Variants in NEGR1 observed in about 807,000 individuals in gnomAD.
NEGR1 encodes the protein IgLON family member 4.
In NEGR1, 10 loss-of-function variants were observed where a neutral mutation model predicts 40.9. The ratio of observed to expected loss-of-function variants is 0.24; its 90% CI spans 0.15 to 0.42. The LOEUF is 0.42. NEGR1 is among the 10% of genes least tolerant of loss of function. NEGR1 has a pLI of 1.00. For missense variants in NEGR1, 352 were observed against 438.9 expected, an observed-to-expected ratio of 0.80 and a Z score of 1.77; for synonymous variants, 185 against 166.8, an observed-to-expected ratio of 1.11 and a Z score of -0.84.
chr1:71,862,485 A>G (rs1659979460), intron 2 of NEGR1, among the ~76,000 whole-genome samples: 1 of 152,012 alleles, frequency 6.6e-6, no homozygotes, highest in African/African-American at 2.4e-5. Context: ...AAAACATCAC[A>G]ATTGCTTCCT....
intron 1 of NEGR1, among the ~76,000 whole-genome samples, chr1:72,143,886 A>ATAT (rs1172991014): frequency 2.5e-5 from 2 of 79,906 alleles, no homozygotes; most frequent in African/African-American, 7.9e-5. Flanking sequence ...ATATATTCAT[A>ATAT]TATATATATT....
chr1:71,508,062 A>C (rs995825241), intron 6 of NEGR1, among the ~76,000 whole-genome samples: 3 of 152,170 alleles, frequency 2.0e-5, no homozygotes, highest in African/African-American at 7.2e-5. Context: ...AATCAATTTT[A>C]AGAAATTATA....
chr1:72,122,380 A>G (rs1000327031), intron 1 of NEGR1, among the ~76,000 whole-genome samples: 1 of 151,964 alleles, frequency 6.6e-6, no homozygotes, highest in African/African-American at 2.4e-5. Flanking sequence ...TTGCAAGAAC[A>G]TGTACAAATA....
intron 1 of NEGR1, among the ~76,000 whole-genome samples, chr1:72,231,614 AT>A (rs919160778): frequency 6.6e-6 from 1 of 152,104 alleles, no homozygotes; most frequent in Admixed American, 6.6e-5. Context: ...ATTTATCATT[AT>A]TTTTCCCCAA....
At chr1:71,421,156 T>C (rs1195450240) in intron 6 of NEGR1, among the ~76,000 whole-genome samples, 1 of 152,060 alleles carries the variant, frequency 6.6e-6, no homozygotes, top group Non-Finnish European at 1.5e-5. Flanking sequence ...GAATAATCAT[T>C]ATATTAGAAA....
At chr1:72,079,265 T>C (rs1211551094) in intron 1 of NEGR1, among the ~76,000 whole-genome samples, 5 of 152,040 alleles carry the variant, frequency 3.3e-5, no homozygotes, top group Middle Eastern at 3.4e-3. Context: ...GAGTGACATA[T>C]AGTTGCTTAA....
chr1:72,143,515 G>C (rs1361774223), intron 1 of NEGR1, among the ~76,000 whole-genome samples: 1 of 151,756 alleles, frequency 6.6e-6, no homozygotes, highest in Non-Finnish European at 1.5e-5. Context: ...AACATTAAAA[G>C]ACTCTGAACT....
intron 1 of NEGR1, among the ~76,000 whole-genome samples, chr1:72,271,728 ATCCCAGAATTCCCACGTGTTG>A (rs879304758): frequency 3.9e-5 from 6 of 151,912 alleles, no homozygotes; most frequent in Non-Finnish European, 5.9e-5. Flanking sequence ...GGAGTTGTAT[ATCCCAGAATTCCCACGTGTTG>A]TCCCAGAATT....
At position 71,407,462 on chromosome 1, in the gene NEGR1, T is replaced by G. The variant is rs748454918; in HGVS notation, c.1049A>C (p.Asn350Thr). The stretch of plus-strand genomic sequence containing the variant: ...TCTTTGAATTTATTGTAGAATGGCA[T>G]TCTTCAGGTAGAATATGCTGGTGAA... ...SSFTSIFYLK[N>T]AILQ The change falls in exon 7 of 7, where the codon AAT becomes ACT. Residue 350 changes from asparagine (N) to threonine (T), a missense_variant. Transcript: ENST00000357731. 6 of 1,612,124 alleles carry G rather than the reference T, an allele frequency of 3.7e-6. No individual in the cohort carries two copies. The East Asian group carries it at 1.3e-4, about 36-fold the overall frequency.
At chr1:72,000,146 A>G (rs1159755948) in intron 1 of NEGR1, among the ~76,000 whole-genome samples, 4 of 152,104 alleles carry the variant, frequency 2.6e-5, no homozygotes. Context: ...ATAGTGATGA[A>G]TATTTCAGAA....
intron 2 of NEGR1, among the ~76,000 whole-genome samples, chr1:71,787,818 C>G (rs189403683): frequency 6.6e-6 from 1 of 152,322 alleles, no homozygotes; most frequent in East Asian, 1.9e-4. Flanking sequence ...ATCTTGCCAT[C>G]TTTGCCTCAC....
intron 1 of NEGR1, among the ~76,000 whole-genome samples, chr1:71,970,754 T>C (rs147324556): frequency 6.6e-6 from 1 of 152,254 alleles, no homozygotes; most frequent in African/African-American, 2.4e-5. Context: ...GGCATTCTTA[T>C]ATGTAAAAAA....
chr1:71,562,172 A>T (rs1427083101), intron 6 of NEGR1, among the ~76,000 whole-genome samples: 1 of 151,834 alleles, frequency 6.6e-6, no homozygotes, highest in Non-Finnish European at 1.5e-5. Context: ...TAAATGGCAA[A>T]GATTATCGGG....
chr1:72,154,615 G>T (rs1003516783), intron 1 of NEGR1, among the ~76,000 whole-genome samples: 1 of 152,006 alleles, frequency 6.6e-6, no homozygotes, highest in South Asian at 2.1e-4. Flanking sequence ...TACACTTCAT[G>T]GAAAAAATTT....
intron 2 of NEGR1, among the ~76,000 whole-genome samples, chr1:71,926,220 C>CA (rs1316870663): frequency 1.3e-5 from 2 of 151,950 alleles, no homozygotes; most frequent in Non-Finnish European, 2.9e-5. Flanking sequence ...TGTGTGTTAT[C>CA]AAAAACAGAA....
chr1:72,054,287 ACT>A (rs1364148806), intron 1 of NEGR1, among the ~76,000 whole-genome samples: 2 of 151,102 alleles, frequency 1.3e-5, no homozygotes, highest in African/African-American at 4.8e-5. Flanking sequence ...GCTGCATTTG[ACT>A]CTGTGCATTT....
intron 1 of NEGR1, among the ~76,000 whole-genome samples, chr1:72,024,177 A>G (rs1169012398): frequency 6.6e-6 from 1 of 152,162 alleles, no homozygotes; most frequent in East Asian, 1.9e-4. Context: ...TACCTGATTT[A>G]TCACTGATTA....
In NEGR1 at chr1:72,176,157, TATG is replaced by T. The variant is rs1011324735; in HGVS notation, c.176+106159_176+106161del. ...TCCATAAGTCAGTCATCTTTTTTCC[TATG>T]ATATTTTTTGCACAGTTCTAGCAAT... On this transcript the variant is annotated intron_variant, in intron 1 of 6. Transcript: ENST00000357731. 3.9e-5 allele frequency among the ~76,000 whole-genome samples: 6 copies of T among 152,260 alleles called. No homozygotes were observed. The South Asian group carries it at 1.0e-3, about 26-fold the overall frequency.
chr1:71,457,781 A>C (rs1412869252), intron 6 of NEGR1, among the ~76,000 whole-genome samples: 1 of 151,878 alleles, frequency 6.6e-6, no homozygotes, highest in Non-Finnish European at 1.5e-5. Flanking sequence ...GGCTCACTGC[A>C]AGCTCCGCCT....
Sources: allele counts gnomAD v4.1 joint callset (sites outside exome capture counted in the v4.1 genomes callset), GRCh38; gene constraint gnomAD v4.1.1; transcripts MANE v1.5; gene names NCBI Gene and HGNC (gene_info 2026-07-23, HGNC 2026-07-21).